MTSS1: variants seen among roughly 807,000 people sequenced by gnomAD.
MTSS1 encodes MTSS I-BAR domain containing 1, also known as protein MTSS 1.
Under a neutral mutation model 79.0 loss-of-function variants are expected in MTSS1, and 18 were observed. The observed-to-expected ratio is 0.23, with a 90% CI of 0.16 to 0.34. The LOEUF (loss-of-function observed/expected upper bound fraction) is 0.34, where lower values mean the gene tolerates loss of function less well. Ranked by LOEUF, MTSS1 falls within the 10% of genes least tolerant of loss-of-function variation. MTSS1 has a pLI of 1.00. For missense variants in MTSS1, 815 were observed against 986.2 expected, an observed-to-expected ratio of 0.83 and a Z score of 2.33; for synonymous variants, 341 against 368.6, an observed-to-expected ratio of 0.93 and a Z score of 0.86.
intron 1 of MTSS1, among the ~76,000 whole-genome samples, chr8:124,718,265 T>TA (rs1446566619): frequency 2.6e-5 from 4 of 151,788 alleles, no homozygotes; most frequent in Non-Finnish European, 5.9e-5. Context: ...GCTAATTTTT[T>TA]TTTTTTAAGA....
intron 9 of MTSS1, among the ~76,000 whole-genome samples, chr8:124,564,464 TATC>T (rs1460984561): frequency 1.3e-5 from 2 of 151,982 alleles, no homozygotes; most frequent in Admixed American, 1.3e-4. Flanking sequence ...GAGGAATAAA[TATC>T]ATGATTTTTG....
chr8:124,671,150 C>T (rs1434411425), intron 3 of MTSS1, among the ~76,000 whole-genome samples: 2 of 152,070 alleles, frequency 1.3e-5, no homozygotes, highest in African/African-American at 4.8e-5. Context: ...CTTCCACATC[C>T]ACCATGACAG....
chr8:124,598,424 C>A (rs1029612563), intron 3 of MTSS1, among the ~76,000 whole-genome samples: 2 of 152,082 alleles, frequency 1.3e-5, no homozygotes, highest in Non-Finnish European at 2.9e-5. Context: ...TAGAAATGTC[C>A]CCAGGGGGCA....
intron 6 of MTSS1, among the ~76,000 whole-genome samples, chr8:124,571,497 C>T (rs555346599): frequency 5.9e-5 from 9 of 152,258 alleles, no homozygotes; most frequent in African/African-American, 2.2e-4. Flanking sequence ...TCTAGTCTCT[C>T]GATCTATTCT....
At chr8:124,677,832 T>C (rs1825554991) in intron 3 of MTSS1, among the ~76,000 whole-genome samples, 1 of 152,230 alleles carries the variant, frequency 6.6e-6, no homozygotes, top group Admixed American at 6.5e-5. Context: ...TTTAGTCACC[T>C]GTTGGCAGAG....
At chr8:124,725,428 C>G (rs1833558000) in intron 1 of MTSS1, among the ~76,000 whole-genome samples, 1 of 152,152 alleles carries the variant, frequency 6.6e-6, no homozygotes, top group Non-Finnish European at 1.5e-5. Flanking sequence ...TTTGAAGAAT[C>G]AAATGCTACT....
chr8:124,620,963 A>G (rs1813386766), intron 3 of MTSS1, among the ~76,000 whole-genome samples: 1 of 152,150 alleles, frequency 6.6e-6, no homozygotes, highest in Non-Finnish European at 1.5e-5. Flanking sequence ...CCGCACCCAC[A>G]TTCCAGCCCC....
At chr8:124,636,025 A>C (rs1004321179) in intron 3 of MTSS1, among the ~76,000 whole-genome samples, 6 of 152,162 alleles carry the variant, frequency 3.9e-5, no homozygotes, top group African/African-American at 1.4e-4. Flanking sequence ...TGGAGGGTGG[A>C]GGGTGCAGGG....
intron 3 of MTSS1, among the ~76,000 whole-genome samples, chr8:124,633,400 C>A (rs1045804611): frequency 6.6e-6 from 1 of 152,186 alleles, no homozygotes; most frequent in East Asian, 1.9e-4. Flanking sequence ...GTGGCTTTGT[C>A]ACTTGCCTTA....
intron 1 of MTSS1, among the ~76,000 whole-genome samples, chr8:124,724,969 G>C (rs1023015869): frequency 6.6e-6 from 1 of 152,150 alleles, no homozygotes; most frequent in Non-Finnish European, 1.5e-5. Context: ...CAGCCAATTT[G>C]ATCAGCGATT....
In MTSS1 at chr8:124,727,512, A is replaced by C; in HGVS notation, c.72+372T>G. The C allele has an allele frequency of 4.3e-5, 20 of 462,016 alleles. No homozygotes were observed. Among genetic ancestry groups the C allele is most frequent in the East Asian group, 1.4e-4 (2 of 14,708 alleles). 28.6% of individuals were successfully genotyped at this position (462,016 alleles called of 1,614,324 possible). On this transcript the variant is annotated intron_variant, in intron 1 of 13. Transcript: ENST00000518547. This position sits in a 1 kb window ranked among gnomAD's most constrained non-coding sequence, Gnocchi z 4.7. ...GCGCCCCCACCCCGTGCCCGGAGGA[A>C]TCAGGTGTCCTCCCGGGCATCCAGC... is the stretch of plus-strand genomic sequence containing the variant.
chr8:124,586,106 A>C (rs1000185011), intron 5 of MTSS1, among the ~76,000 whole-genome samples: 7 of 152,038 alleles, frequency 4.6e-5, no homozygotes, highest in African/African-American at 1.4e-4. Flanking sequence ...CATCCTCATC[A>C]CCCAGACATA....
chr8:124,681,191 G>A (rs1466889421), intron 3 of MTSS1, among the ~76,000 whole-genome samples: 2 of 145,856 alleles, frequency 1.4e-5, no homozygotes, highest in African/African-American at 2.6e-5. Context: ...ACAACACAGA[G>A]AAGCTGTGAC....
chr8:124,699,944 C>T (rs1298234087), intron 2 of MTSS1, among the ~76,000 whole-genome samples: 1 of 151,998 alleles, frequency 6.6e-6, no homozygotes, highest in Admixed American at 6.6e-5. Flanking sequence ...ATCAAGAGTT[C>T]GAGACCAACC....
At chr8:124,627,444 T>C (rs1346526070) in intron 3 of MTSS1, among the ~76,000 whole-genome samples, 2 of 152,246 alleles carry the variant, frequency 1.3e-5, no homozygotes, top group African/African-American at 2.4e-5. Context: ...GCAGGTTAAG[T>C]TGCTGATCCA....
intron 5 of MTSS1, among the ~76,000 whole-genome samples, chr8:124,586,994 C>A (rs945959546): frequency 6.6e-6 from 1 of 152,200 alleles, no homozygotes; most frequent in Admixed American, 6.5e-5. Context: ...CCTTACACAT[C>A]CTATTTGAAG....
chr8:124,577,038 C>A (rs1480013453), intron 6 of MTSS1, among the ~76,000 whole-genome samples: 1 of 152,146 alleles, frequency 6.6e-6, no homozygotes, highest in African/African-American at 2.4e-5. Flanking sequence ...CATTCTGAGA[C>A]CAGAGTAGTG....
chr8:124,610,450 C>T (rs979127758), intron 3 of MTSS1, among the ~76,000 whole-genome samples: 3 of 152,154 alleles, frequency 2.0e-5, no homozygotes, highest in Non-Finnish European at 2.9e-5. Context: ...CACTTGGCTG[C>T]GCATAAAGAA....
At chr8:124,642,325 C>T (rs1332614018) in intron 3 of MTSS1, among the ~76,000 whole-genome samples, 2 of 152,150 alleles carry the variant, frequency 1.3e-5, no homozygotes, top group Non-Finnish European at 2.9e-5. Context: ...GCTAGGATGA[C>T]ACACCCAAAG....
Sources: gnomAD v4.1 joint callset for allele counts (sites outside exome capture counted in the v4.1 genomes callset) on GRCh38, gnomAD v4.1.1 for gene constraint, Gnocchi (gnomAD v3.1) non-coding constraint, MANE v1.5 for transcripts, NCBI Gene and HGNC (gene_info 2026-07-23, HGNC 2026-07-21) for gene names.